Variants in EXT2 observed in about 807,000 individuals in gnomAD.
EXT2 encodes the protein exostosin-2.
Under a neutral mutation model 81.6 loss-of-function variants are expected in EXT2, and 53 were observed. The ratio of observed to expected loss-of-function variants is 0.65; its 90% confidence interval spans 0.52 to 0.82. EXT2 has a LOEUF of 0.82. EXT2 is among the 40% of genes least tolerant of loss of function. The pLI is 0.00. For synonymous variants in EXT2, 320 were observed against 340.0 expected (o/e 0.94, Z 0.65); for missense variants, 774 against 910.2 (o/e 0.85, Z 1.93).
intron 10 of EXT2, among the ~76,000 whole-genome samples, chr11:44,216,673 T>A (rs1291430381): frequency 6.6e-6 from 1 of 151,982 alleles, no homozygotes; most frequent in Non-Finnish European, 1.5e-5. Context: ...TTGGAAGAAT[T>A]GATTTACAGA....
chr11:44,163,559 C>T (rs1954954953), intron 7 of EXT2, among the ~76,000 whole-genome samples: 1 of 152,200 alleles, frequency 6.6e-6, no homozygotes, highest in Non-Finnish European at 1.5e-5. Context: ...TAGCCTTTGG[C>T]ATATGTATTT....
At chr11:44,148,932 G>A (rs1954756602) in intron 7 of EXT2, among the ~76,000 whole-genome samples, 1 of 152,174 alleles carries the variant, frequency 6.6e-6, no homozygotes, top group Middle Eastern at 3.2e-3. Flanking sequence ...TTACACTGAG[G>A]TAAATACATT....
intron 10 of EXT2, among the ~76,000 whole-genome samples, chr11:44,217,343 G>A (rs991054234): frequency 4.6e-5 from 7 of 152,106 alleles, no homozygotes; most frequent in South Asian, 2.1e-4. Context: ...ACCGAATACC[G>A]GGTATCATTA....
At chr11:44,229,595 A>G (rs559740026) in intron 10 of EXT2, among the ~76,000 whole-genome samples, 1 of 152,340 alleles carries the variant, frequency 6.6e-6, no homozygotes, top group Admixed American at 6.5e-5. Context: ...AAGACAGTGC[A>G]GTGTCTCACC....
intron 8 of EXT2, among the ~76,000 whole-genome samples, chr11:44,192,873 G>T (rs550770704): frequency 8.4e-4 from 128 of 152,104 alleles, no homozygotes; most frequent in Non-Finnish European, 1.0e-3. Flanking sequence ...GAGTTAACTA[G>T]GTTCGGAGTC....
chr11:44,219,307 G>T (rs1377935075), intron 10 of EXT2, among the ~76,000 whole-genome samples: 1 of 151,704 alleles, frequency 6.6e-6, no homozygotes, highest in Non-Finnish European at 1.5e-5. Context: ...TTCAAGACCA[G>T]CCTGAACAAC....
Position 44,232,480 on chromosome 11 carries a change from C to T in EXT2, c.1790C>T (p.Ala597Val). The change falls in exon 11 of 14, where the codon GCA (alanine) becomes GTA (valine). Residue 597 changes from alanine (A) to valine (V), a missense_variant. Ala to Val is a moderately conservative substitution (Grantham distance 64). This residue lies in a region of EXT2 where 148 missense variants were observed against 239.7 expected (regional missense o/e 0.62). Coordinates refer to ENST00000533608, the MANE Select transcript of EXT2 (RefSeq NM_207122.2). ...GAAGTGTCCATGGTGCTCACTGGGGCAGCTTTTTATCACAAGGTAAGGGGG... is the reference window on the plus strand; with the variant it reads ...GAAGTGTCCATGGTGCTCACTGGGGTAGCTTTTTATCACAAGGTAAGGGGG... The part of the protein sequence containing the change: ...TNEVSMVLTG[A>V]AFYHKYFNYL... 1 of 1,613,928 alleles carries T rather than the reference C, an allele frequency of 6.2e-7. No individual in the cohort carries two copies.
chr11:44,230,555 G>A (rs959397930), intron 10 of EXT2, among the ~76,000 whole-genome samples: 2 of 152,140 alleles, frequency 1.3e-5, no homozygotes, highest in Admixed American at 6.5e-5. Flanking sequence ...TGTCCTTATC[G>A]AAAGGGGAAA....
intron 7 of EXT2, among the ~76,000 whole-genome samples, chr11:44,165,886 G>GA (rs1367797680): frequency 6.6e-6 from 1 of 152,174 alleles, no homozygotes; most frequent in Non-Finnish European, 1.5e-5. Flanking sequence ...GAATGGGGTA[G>GA]AAAAAAGGTC....
chr11:44,221,089 A>G (rs757252468), intron 10 of EXT2, among the ~76,000 whole-genome samples: 17 of 152,186 alleles, frequency 1.1e-4, no homozygotes, highest in Non-Finnish European at 2.4e-4. Flanking sequence ...CCAATGTAGA[A>G]CTAGCAGCCT....
At chr11:44,096,060 C>T in intron 1 of EXT2, 1 of 660,172 alleles carries the variant, frequency 1.5e-6, no homozygotes. Flanking sequence ...GATTTCCACT[C>T]CTGCTTCTCC....
intron 8 of EXT2, among the ~76,000 whole-genome samples, chr11:44,184,521 G>A (rs752501522): frequency 6.6e-6 from 1 of 152,134 alleles, no homozygotes; most frequent in Non-Finnish European, 1.5e-5. Flanking sequence ...GGAGGCCGAG[G>A]GGGGTGGATC....
chr11:44,235,003 A>G (rs1210736368), intron 12 of EXT2, among the ~76,000 whole-genome samples: 2 of 152,212 alleles, frequency 1.3e-5, no homozygotes, highest in Non-Finnish European at 2.9e-5. Flanking sequence ...GTACAGCATT[A>G]TCCATTGATT....
intron 10 of EXT2, among the ~76,000 whole-genome samples, chr11:44,212,264 G>A (rs149854381): frequency 9.9e-5 from 15 of 151,326 alleles, no homozygotes; most frequent in Non-Finnish European, 2.9e-5. Context: ...CAGCCCGGGC[G>A]ACAGTGAGAG....
rs1212083609 is a variant in EXT2 at position 44,119,173 on chromosome 11, CAT to C, written c.743+4874_743+4875del. On this transcript the variant is annotated intron_variant, in intron 4 of 13. Transcript: ENST00000533608. ...ATATATATATATATATATATATACACATACACACACACACACACACATTTTTG... is the reference window on the plus strand; with the variant it reads ...ATATATATATATATATATATATACACACACACACACACACACACATTTTTG... Among the ~76,000 whole-genome samples, 7 of 69,250 alleles carry C rather than the reference CAT, an allele frequency of 1.0e-4. 1 individual carries two copies. The highest frequency in any genetic ancestry group is 1.2e-4 in the African/African-American group (2 of 17,264). 45.4% of individuals were successfully genotyped at this position (69,250 alleles called of 152,430 possible). A position where few individuals can be genotyped will look rare whatever the true frequency, so the allele number is the denominator to read the frequency against.
intron 10 of EXT2, among the ~76,000 whole-genome samples, chr11:44,212,375 A>G (rs1180744916): frequency 1.3e-5 from 2 of 151,818 alleles, no homozygotes; most frequent in Non-Finnish European, 1.5e-5. Context: ...GTACAAGATG[A>G]CACACAAAAA....
At chr11:44,217,470 G>A (rs1955733307) in intron 10 of EXT2, among the ~76,000 whole-genome samples, 1 of 152,194 alleles carries the variant, frequency 6.6e-6, no homozygotes, top group Non-Finnish European at 1.5e-5. Flanking sequence ...CCTGAAATCA[G>A]GAGCTAGGAA....
At position 44,251,043 on chromosome 11, in the gene EXT2, A is replaced by G. The variant is rs1956134123; in HGVS notation, c.*6756A>G. 6.6e-6 allele frequency among the ~76,000 whole-genome samples: 1 copy of G among 152,148 alleles called. No individual in the cohort carries two copies. Among genetic ancestry groups the G allele is most frequent in the Non-Finnish European group, 1.5e-5 (1 of 68,034 alleles). On this transcript the variant is annotated 3_prime_UTR_variant, in exon 14 of 14. Transcript: ENST00000533608. Reference sequence around the variant, plus strand: ...TCTTCTGTCTACCCTGCACCAAAATACCTTGTCCTGTTTTCTGGATATAGT... The same window carrying G: ...TCTTCTGTCTACCCTGCACCAAAATGCCTTGTCCTGTTTTCTGGATATAGT...
At chr11:44,136,822 T>C (rs990359990) in intron 7 of EXT2, among the ~76,000 whole-genome samples, 3 of 152,196 alleles carry the variant, frequency 2.0e-5, no homozygotes, top group African/African-American at 7.2e-5. Flanking sequence ...CTTAAACAGT[T>C]ACTGGCTGCT....
Sources: gnomAD v4.1 joint callset for allele counts (sites outside exome capture counted in the v4.1 genomes callset) on GRCh38, gnomAD v4.1.1 for gene constraint, gnomAD v4.1.1 regional missense constraint, MANE v1.5 for transcripts, NCBI Gene and HGNC (gene_info 2026-07-23, HGNC 2026-07-21) for gene names.